The following MED13L variants were observed in gnomAD, a reference collection of about 807,000 sequenced individuals.
MED13L encodes mediator complex subunit 13L.
Under a neutral mutation model 220.9 loss-of-function variants are expected in MED13L, and 7 were observed. The ratio of observed to expected loss-of-function variants is 0.03; its 90% confidence interval spans 0.02 to 0.06. The LOEUF (loss-of-function observed/expected upper bound fraction) is 0.06, where lower values mean the gene tolerates loss of function less well. Among genes scored for constraint, MED13L ranks in the 10% least tolerant of loss-of-function variants. The probability of loss-of-function intolerance (pLI) is 1.00; values close to 1 mark genes in which losing one functional copy is unlikely to be tolerated. For synonymous variants in MED13L, 1,011 were observed against 1,015.2 expected (o/e 1.00, Z 0.08); for missense variants, 1,965 against 2,760.5 (o/e 0.71, Z 6.46).
intron 7 of MED13L, 147 bp downstream of exon 7, chr12:116,019,077 C>A: frequency 1.3e-6 from 1 of 744,894 alleles, no homozygotes; most frequent in Non-Finnish European, 2.2e-6. Context: ...TATAGTTTTC[C>A]TTCTCCATTT....
intron 4 of MED13L, among the ~76,000 whole-genome samples, chr12:116,082,314 G>A (rs1316705478): frequency 2.0e-5 from 3 of 152,172 alleles, no homozygotes; most frequent in Non-Finnish European, 4.4e-5. Context: ...AGGAACAGGT[G>A]AGGAGCAAGC....
intron 1 of MED13L, among the ~76,000 whole-genome samples, chr12:116,261,450 T>C (rs1034346860): frequency 6.6e-6 from 1 of 150,978 alleles, no homozygotes; most frequent in Non-Finnish European, 1.5e-5. Context: ...TGAGCCGAGA[T>C]TGTGCCGCTG....
chr12:115,974,051 A>T (rs1296522241), intron 25 of MED13L, among the ~76,000 whole-genome samples: 1 of 152,172 alleles, frequency 6.6e-6, no homozygotes, highest in Admixed American at 6.6e-5. Context: ...ATAAAAAAAA[A>T]AAGTACATGG....
At chr12:116,209,502 C>CT (rs1166035853) in intron 2 of MED13L, among the ~76,000 whole-genome samples, 2 of 152,284 alleles carry the variant, frequency 1.3e-5, no homozygotes, top group African/African-American at 2.4e-5. Flanking sequence ...CTGGCCCTTT[C>CT]TGATGCCTTG....
chr12:116,104,124 C>T (rs1028758291), intron 3 of MED13L, among the ~76,000 whole-genome samples: 4 of 150,074 alleles, frequency 2.7e-5, no homozygotes, highest in African/African-American at 7.4e-5. Context: ...GATTCTCCTG[C>T]CTCAGTCTCC....
Position 116,012,332 on chromosome 12 carries a change from C to T in MED13L, c.1280+465G>A, listed in dbSNP as rs563468507. 5.1e-4 allele frequency among the ~76,000 whole-genome samples: 78 copies of T among 152,312 alleles called. 4 individuals are homozygous for T. Among genetic ancestry groups the T allele is most frequent in the Non-Finnish European group, 7.3e-5 (5 of 68,032 alleles). On this transcript the variant is annotated intron_variant, in intron 9 of 30. Coordinates refer to ENST00000281928, the MANE Select transcript of MED13L (RefSeq NM_015335.5). Reference sequence around the variant, plus strand: ...TAAATGAATAAGCAAGGTATCATTACTGCAACAGTTTTAGCTTTTAGCAGT... The same window carrying T: ...TAAATGAATAAGCAAGGTATCATTATTGCAACAGTTTTAGCTTTTAGCAGT...
chr12:116,063,578 C>T (rs1471823638), intron 4 of MED13L, among the ~76,000 whole-genome samples: 5 of 152,086 alleles, frequency 3.3e-5, no homozygotes, highest in East Asian at 1.9e-4. Context: ...CTGTTTCCTT[C>T]GAGTATTAAT....
intron 4 of MED13L, among the ~76,000 whole-genome samples, chr12:116,096,221 G>T (rs1872620442): frequency 6.6e-6 from 1 of 151,482 alleles, no homozygotes; most frequent in African/African-American, 2.4e-5. Flanking sequence ...CAGGTGTGGT[G>T]GCATACACCT....
At position 116,185,623 on chromosome 12, in the gene MED13L, T is replaced by A. The variant is rs374516197; in HGVS notation, c.310+51845A>T. 5.9e-5 allele frequency among the ~76,000 whole-genome samples: 9 copies of A among 152,168 alleles called. No individual in the cohort carries two copies. In the East Asian group the frequency reaches 1.7e-3, roughly 29 times the overall value. ...TCCTGATACGGCACATTTAATTTCT[T>A]AGAAAAATATCAATTTTTTTCATCA... is the stretch of plus-strand genomic sequence containing the variant. On this transcript the variant is annotated intron_variant, in intron 2 of 30. Transcript: ENST00000281928.
intron 1 of MED13L, among the ~76,000 whole-genome samples, chr12:116,244,908 C>T (rs906006294): frequency 6.6e-6 from 1 of 152,170 alleles, no homozygotes; most frequent in Non-Finnish European, 1.5e-5. Flanking sequence ...GCTGTGATCA[C>T]ACCACTGTAC....
At chr12:116,127,117 T>G (rs1236196942) in intron 2 of MED13L, among the ~76,000 whole-genome samples, 1 of 152,234 alleles carries the variant, frequency 6.6e-6, no homozygotes, top group Non-Finnish European at 1.5e-5. Flanking sequence ...TACCAGCTAT[T>G]AAAAAGCATA....
intron 4 of MED13L, among the ~76,000 whole-genome samples, chr12:116,026,403 GA>G (rs1480499722): frequency 2.0e-5 from 3 of 152,070 alleles, no homozygotes; most frequent in African/African-American, 4.8e-5. Context: ...CTGAAAACAA[GA>G]AAAATAGAAG....
intron 14 of MED13L, among the ~76,000 whole-genome samples, chr12:115,998,863 T>C (rs1323492367): frequency 3.9e-5 from 6 of 152,126 alleles, no homozygotes; most frequent in African/African-American, 7.2e-5. Context: ...TCTGATTTCA[T>C]TATACAAAAA....
At chr12:116,096,056 A>T (rs2392968) in intron 4 of MED13L, among the ~76,000 whole-genome samples, 1 of 151,946 alleles carries the variant, frequency 6.6e-6, no homozygotes, top group South Asian at 2.1e-4. Context: ...CAACACTTTT[A>T]AAAAATCAAT....
intron 4 of MED13L, among the ~76,000 whole-genome samples, chr12:116,073,972 A>C (rs1870584628): frequency 6.6e-6 from 1 of 152,238 alleles, no homozygotes; most frequent in Non-Finnish European, 1.5e-5. Context: ...TCACAGCTTT[A>C]TGTGACTGCT....
chr12:116,196,163 T>C (rs181497213), intron 2 of MED13L, among the ~76,000 whole-genome samples: 87 of 152,216 alleles, frequency 5.7e-4, no homozygotes, highest in Non-Finnish European at 1.0e-3. Context: ...AAGAAAATTA[T>C]AACCTAATGG....
At chr12:116,099,600 A>C (rs1328642463) in intron 3 of MED13L, among the ~76,000 whole-genome samples, 3 of 152,258 alleles carry the variant, frequency 2.0e-5, no homozygotes, top group Non-Finnish European at 4.4e-5. Flanking sequence ...AGAGAGTATA[A>C]TATGAAATAA....
intron 3 of MED13L, among the ~76,000 whole-genome samples, chr12:116,110,744 G>T (rs10850595): frequency 1.6e-4 from 25 of 152,108 alleles, no homozygotes; most frequent in African/African-American, 6.0e-4. Context: ...GGACACTGAC[G>T]ATATGAGCCT....
intron 4 of MED13L, among the ~76,000 whole-genome samples, chr12:116,056,388 A>T (rs939185018): frequency 1.3e-5 from 2 of 151,754 alleles, no homozygotes; most frequent in African/African-American, 4.8e-5. Flanking sequence ...GGTGATTCTC[A>T]GCCTCCTATG....
Sources: allele counts gnomAD v4.1 joint callset (sites outside exome capture counted in the v4.1 genomes callset), GRCh38; gene constraint gnomAD v4.1.1; transcripts MANE v1.5; gene names NCBI Gene and HGNC (gene_info 2026-07-23, HGNC 2026-07-21).